Variants in PXDNL observed in about 807,000 individuals in gnomAD.
PXDNL encodes peroxidasin like.
A neutral mutation model predicts 150.8 loss-of-function variants in PXDNL; 145 were observed. The ratio of observed to expected loss-of-function variants is 0.96; its 90% confidence interval spans 0.84 to 1.10. The LOEUF (loss-of-function observed/expected upper bound fraction) is 1.10. PXDNL is among the 50% of genes least tolerant of loss of function. PXDNL has a pLI of 0.00. For synonymous variants in PXDNL, 757 were observed against 725.7 expected, an observed-to-expected ratio of 1.04 and a Z score of -0.69; for missense variants, 2,087 against 1,873.9, an observed-to-expected ratio of 1.11 and a Z score of -2.10.
chr8:51,435,741 T>C (rs1809386395), intron 12 of PXDNL: 1 of 375,566 alleles, frequency 2.7e-6, no homozygotes, highest in Admixed American at 3.4e-5. Flanking sequence ...AGAGACTGGA[T>C]CCCAGGCCCC....
chr8:51,425,382 C>T (rs4873193), intron 13 of PXDNL, among the ~76,000 whole-genome samples: 29,987 of 152,090 alleles, frequency 0.2, 3,727 homozygotes, highest in African/African-American at 0.35. Context: ...ACAAAGTAGA[C>T]GCTGAGATAG....
At chr8:51,480,261 A>T (rs1810570781) in intron 6 of PXDNL, among the ~76,000 whole-genome samples, 1 of 152,196 alleles carries the variant, frequency 6.6e-6, no homozygotes, top group Admixed American at 6.5e-5. Context: ...AGACAGGGTA[A>T]TTTATAAGAA....
intron 2 of PXDNL, among the ~76,000 whole-genome samples, chr8:51,634,870 C>G (rs971676452): frequency 1.3e-5 from 2 of 151,840 alleles, no homozygotes; most frequent in Admixed American, 6.6e-5. Flanking sequence ...GTTCTGGGAG[C>G]CTTTTGGTGG....
At chr8:51,656,889 C>T (rs7836565) in intron 1 of PXDNL, among the ~76,000 whole-genome samples, 100,719 of 152,072 alleles carry the variant, frequency 0.66, 33,874 homozygotes, top group Non-Finnish European at 0.72. Flanking sequence ...CCAGATGTAA[C>T]CACTCATGTA....
At chr8:51,527,879 G>A (rs1187337485) in intron 4 of PXDNL, among the ~76,000 whole-genome samples, 3 of 152,210 alleles carry the variant, frequency 2.0e-5, no homozygotes, top group African/African-American at 7.2e-5. Context: ...CTTGCTTGGA[G>A]GTTAGGAGTG....
intron 21 of PXDNL, among the ~76,000 whole-genome samples, chr8:51,325,375 C>G (rs1002852204): frequency 6.6e-6 from 1 of 152,174 alleles, no homozygotes; most frequent in African/African-American, 2.4e-5. Context: ...GGTCCCACAT[C>G]ATTACTGCCA....
intron 19 of PXDNL, among the ~76,000 whole-genome samples, chr8:51,362,894 T>G (rs954097678): frequency 5.3e-5 from 8 of 152,232 alleles, no homozygotes; most frequent in Non-Finnish European, 1.2e-4. Flanking sequence ...TTTAAATTGT[T>G]GGCAAAATAT....
intron 1 of PXDNL, among the ~76,000 whole-genome samples, chr8:51,733,586 T>TCACTTGAGGTCAGGAGTTTGAGAC (rs1816973335): frequency 6.6e-6 from 1 of 152,030 alleles, no homozygotes; most frequent in Non-Finnish European, 1.5e-5. Flanking sequence ...GGTGGGCAGA[T>TCACTTGAGGTCAGGAGTTTGAGAC]CACTTGAGGT....
At chr8:51,721,255 T>C (rs554674094) in intron 1 of PXDNL, among the ~76,000 whole-genome samples, 1 of 152,376 alleles carries the variant, frequency 6.6e-6, no homozygotes, top group African/African-American at 2.4e-5. Context: ...CTCACTTCTT[T>C]TGTTTTTAAT....
At chr8:51,618,102 G>C (rs746374538) in intron 2 of PXDNL, among the ~76,000 whole-genome samples, 1 of 152,184 alleles carries the variant, frequency 6.6e-6, no homozygotes, top group African/African-American at 2.4e-5. Flanking sequence ...TGGCCTTCTG[G>C]GCCCCCAGGC....
rs538374368 is a variant in PXDNL, at chr8:51,488,978, G to A, written c.453-5264C>T. Among the ~76,000 whole-genome samples the A allele has an allele frequency of 7.9e-5, 12 of 152,100 alleles. 1 individual carries two copies. In the South Asian group the frequency reaches 2.1e-3, roughly 26 times the overall value. On this transcript the variant is annotated intron_variant, in intron 5 of 22. Transcript: ENST00000356297. ...GATAAGTTTCTATAGAAGACAAATC[G>A]GAAACAAGAAAGATCTCTTAGGAAT...
At chr8:51,519,102 G>C (rs907169613) in intron 4 of PXDNL, among the ~76,000 whole-genome samples, 2 of 152,182 alleles carry the variant, frequency 1.3e-5, no homozygotes, top group Non-Finnish European at 2.9e-5. Context: ...TTGAGAATTT[G>C]AGAAGAAATA....
chr8:51,373,066 A>G, intron 18 of PXDNL, among the ~76,000 whole-genome samples: 1 of 152,314 alleles, frequency 6.6e-6, no homozygotes, highest in African/African-American at 2.4e-5. Context: ...CCTAAAATGT[A>G]TATGTTGAAG....
At chr8:51,354,654 T>G (rs890905029) in intron 19 of PXDNL, among the ~76,000 whole-genome samples, 1 of 152,066 alleles carries the variant, frequency 6.6e-6, no homozygotes, top group African/African-American at 2.4e-5. Context: ...TATTTTATGG[T>G]AAAATAAAGT....
rs1399040833 is a variant in PXDNL, at chr8:51,644,617, G to C, written c.236+10072C>G. Among the ~76,000 whole-genome samples, 3 of 8,780 alleles carry C rather than the reference G, an allele frequency of 3.4e-4. No homozygotes were observed. In the East Asian group the frequency reaches 0.011, roughly 33 times the overall value. 5.8% of individuals were successfully genotyped at this position (8,780 alleles called of 152,430 possible). ...TGGGACTACAAGCTCCTGCCACCGC[G>C]CCCAGCTATTTTTGTATTTTTAGTA... On this transcript the variant is annotated intron_variant, in intron 2 of 22. Transcript: ENST00000356297.
intron 5 of PXDNL, among the ~76,000 whole-genome samples, chr8:51,491,292 C>T (rs80104729): frequency 0.055 from 8,363 of 152,042 alleles, 457 homozygotes; most frequent in East Asian, 0.25. Context: ...AATTCTGTCC[C>T]TCTAGAGAAC....
chr8:51,786,515 AC>A (rs2037462018), intron 1 of PXDNL, among the ~76,000 whole-genome samples: 1 of 150,976 alleles, frequency 6.6e-6, no homozygotes, highest in Admixed American at 6.6e-5. Flanking sequence ...ACCCTTCCTC[AC>A]TCCCCGACCC....
chr8:51,466,730 C>T (rs1350853519), intron 8 of PXDNL, among the ~76,000 whole-genome samples: 2 of 152,170 alleles, frequency 1.3e-5, no homozygotes, highest in African/African-American at 2.4e-5. Flanking sequence ...AATAAGCAGG[C>T]GAACTACAAG....
intron 1 of PXDNL, among the ~76,000 whole-genome samples, chr8:51,682,959 C>T (rs1049998226): frequency 8.6e-5 from 13 of 151,708 alleles, no homozygotes; most frequent in South Asian, 2.1e-4. Context: ...ACGACCAGAG[C>T]GCTAATATCT....
Sources: allele counts gnomAD v4.1 joint callset (sites outside exome capture counted in the v4.1 genomes callset), GRCh38; gene constraint gnomAD v4.1.1; transcripts MANE v1.5; gene names NCBI Gene and HGNC (gene_info 2026-07-23, HGNC 2026-07-21).